The following DGKG variants were observed in gnomAD, a reference collection of about 807,000 sequenced individuals.
DGKG encodes diacylglycerol kinase gamma.
DGKG carries 78 observed loss-of-function variants against 105.3 expected under a neutral mutation model. The observed-to-expected ratio is 0.74, with a 90% CI of 0.62 to 0.89. The LOEUF (loss-of-function observed/expected upper bound fraction) is 0.89. Among genes scored for constraint, DGKG ranks in the 40% least tolerant of loss-of-function variants. The probability of loss-of-function intolerance (pLI) is 0.00; values close to 1 mark genes in which losing one functional copy is unlikely to be tolerated. For missense variants in DGKG, 958 were observed against 1,020.1 expected (o/e 0.94, Z 0.83); for synonymous variants, 346 against 367.1 (o/e 0.94, Z 0.66).
intron 22 of DGKG, among the ~76,000 whole-genome samples, chr3:186,165,356 G>A (rs1295403252): frequency 6.6e-6 from 1 of 152,272 alleles, no homozygotes; most frequent in East Asian, 1.9e-4. Context: ...TGCAGCTAAA[G>A]ACATATTGGT....
chr3:186,234,524 T>C (rs551875191), intron 20 of DGKG, among the ~76,000 whole-genome samples: 12 of 152,362 alleles, frequency 7.9e-5, no homozygotes, highest in African/African-American at 2.9e-4. Context: ...TGGGATTATC[T>C]GGCCTATAGT....
intron 2 of DGKG, among the ~76,000 whole-genome samples, chr3:186,310,198 C>T (rs55999183): frequency 9.0e-5 from 12 of 132,948 alleles, no homozygotes; most frequent in Non-Finnish European, 1.7e-4. Context: ...ACCCAGGAGG[C>T]GGAGCTTGCA....
intron 22 of DGKG, among the ~76,000 whole-genome samples, chr3:186,176,031 G>A (rs758601214): frequency 1.8e-4 from 28 of 152,150 alleles, no homozygotes; most frequent in Non-Finnish European, 3.7e-4. Flanking sequence ...TTGAAAGGAC[G>A]CAAGGCAGAG....
In DGKG at chr3:186,267,356, C is replaced by T. The variant is rs552649072; in HGVS notation, c.1209+329G>A. On this transcript the variant is annotated intron_variant, in intron 13 of 24. Coordinates refer to ENST00000265022, the MANE Select transcript of DGKG (RefSeq NM_001346.3). ...GAGAAGATTTCTCTCAAAATCTGAT[C>T]TGTGCAGCGCTGACCTCTTTCAAGC... is the stretch of plus-strand genomic sequence containing the variant. Among the ~76,000 whole-genome samples, 12 of 152,318 alleles carry T rather than the reference C, an allele frequency of 7.9e-5. No individual in the cohort carries two copies. The East Asian group carries it at 2.3e-3, about 29-fold the overall frequency.
chr3:186,180,811 G>A (rs1293942410), intron 22 of DGKG, among the ~76,000 whole-genome samples: 1 of 152,218 alleles, frequency 6.6e-6, no homozygotes, highest in African/African-American at 2.4e-5. Context: ...TGGCTGAATG[G>A]CATCCCATTC....
At chr3:186,179,266 A>T (rs1315180205) in intron 22 of DGKG, among the ~76,000 whole-genome samples, 1 of 152,154 alleles carries the variant, frequency 6.6e-6, no homozygotes, top group Non-Finnish European at 1.5e-5. Flanking sequence ...AATATTGCCT[A>T]TGGTGGTTTT....
At position 186,148,116 on chromosome 3, in the gene DGKG, C is replaced by T. The variant is rs1715585819; in HGVS notation, c.*1974G>A. ...ACGATATCAAGTGGGTCCAAGTTTC[C>T]ACTGATAAATCTCAGAGAGGGATGG... On this transcript the variant is annotated 3_prime_UTR_variant, in exon 25 of 25. Coordinates refer to ENST00000265022, the MANE Select transcript of DGKG (RefSeq NM_001346.3). 1 of 985,292 alleles carries T rather than the reference C, an allele frequency of 1.0e-6. No individual in the cohort carries two copies. Among genetic ancestry groups the T allele is most frequent in the Admixed American group, 6.1e-5 (1 of 16,270 alleles). 61.0% of individuals were successfully genotyped at this position (985,292 alleles called of 1,614,324 possible).
chr3:186,330,768 C>T (rs1292698313), intron 1 of DGKG, among the ~76,000 whole-genome samples: 1 of 152,194 alleles, frequency 6.6e-6, no homozygotes, highest in Non-Finnish European at 1.5e-5. Context: ...AGACAAGAAG[C>T]CATTTGGGAT....
At position 186,283,070 on chromosome 3, in the gene DGKG, G is replaced by A. The variant is rs138871363; in HGVS notation, c.594+1590C>T. Among the ~76,000 whole-genome samples, 1,116 of 151,602 alleles carry A rather than the reference G, an allele frequency of 7.4e-3. 22 individuals carry two copies. Among genetic ancestry groups the A allele is most frequent in the African/African-American group, 0.026 (1,053 of 41,184 alleles). ...ACTACAGGTGTGTGCCAACATGCCC[G>A]GCTAATTTTTGTATTTTTAGTAGAA... On this transcript the variant is annotated intron_variant, in intron 7 of 24. Transcript: ENST00000265022.
In DGKG at chr3:186,311,283, GC is replaced by G. The variant is rs199793494; in HGVS notation, c.68-4307del. On this transcript the variant is annotated intron_variant, in intron 2 of 24. Coordinates refer to ENST00000265022, the MANE Select transcript of DGKG (RefSeq NM_001346.3). ...TTGTAAATGAAGACTGTCCTAAAAAGCCCCTGAACTTGAATACTTATTGCCA... is the reference window on the plus strand; with the variant it reads ...TTGTAAATGAAGACTGTCCTAAAAAGCCCTGAACTTGAATACTTATTGCCA... Among the ~76,000 whole-genome samples, 1,012 of 152,220 alleles carry G rather than the reference GC, an allele frequency of 6.6e-3. 10 individuals carry two copies. Among genetic ancestry groups the G allele is most frequent in the African/African-American group, 0.023 (967 of 41,510 alleles).
chr3:186,298,894 C>CG (rs1723729951), intron 3 of DGKG, among the ~76,000 whole-genome samples: 2 of 152,180 alleles, frequency 1.3e-5, no homozygotes, highest in African/African-American at 4.8e-5. Context: ...GGCTCAGCTG[C>CG]TTCTCAAAAC....
chr3:186,188,575 G>C (rs1717754521), intron 21 of DGKG, among the ~76,000 whole-genome samples, 196 bp from the exon 22 acceptor site: 1 of 152,146 alleles, frequency 6.6e-6, no homozygotes. Context: ...CTGCTGTGGT[G>C]AGATGACAGA....
intron 21 of DGKG, among the ~76,000 whole-genome samples, chr3:186,195,309 CA>C (rs539090431): frequency 3.6e-4 from 54 of 151,206 alleles, no homozygotes; most frequent in African/African-American, 6.1e-4. Context: ...AAAAAACAAA[CA>C]AAAAAAAGAA....
chr3:186,348,250 G>A (rs1726439597), intron 1 of DGKG, among the ~76,000 whole-genome samples: 1 of 151,868 alleles, frequency 6.6e-6, no homozygotes, highest in Admixed American at 6.6e-5. Context: ...TCACGCCACA[G>A]CTTTGATATC....
chr3:186,335,698 C>T (rs1294292156), intron 1 of DGKG, among the ~76,000 whole-genome samples: 1 of 152,116 alleles, frequency 6.6e-6, no homozygotes, highest in Non-Finnish European at 1.5e-5. Flanking sequence ...CGCTATATGC[C>T]AATAGCCTTA....
In DGKG at chr3:186,284,672, G is replaced by A. The variant is rs150564600; in HGVS notation, c.582C>T (p.Leu194=). 164 of 1,613,870 alleles carry A rather than the reference G, an allele frequency of 1.0e-4. 1 individual carries two copies. In the East Asian group the frequency reaches 3.6e-3, roughly 35 times the overall value. Residue 194 remains leucine, a synonymous_variant, in exon 7 of 25, where the codon CTC becomes CTT. Coordinates refer to ENST00000265022, the MANE Select transcript of DGKG (RefSeq NM_001346.3). This position sits in a 1 kb window ranked among gnomAD's most constrained non-coding sequence, Gnocchi z 4.0. ...AGTGAGAACTTACCGCTTGGTCCAG[G>A]AGACCGTTCTCATCTGAATCATAGA... The part of the protein sequence containing the change: ...FRLYDSDENG[L]LDQAEMDCIV...
chr3:186,306,942 A>C lies in DGKG; in HGVS notation c.103T>G (p.Phe35Val). Residue 35 changes from phenylalanine (F) to valine (V), a missense_variant, in exon 3 of 25, where the codon TTT (phenylalanine) becomes GTT (valine). Physicochemically the swap from Phe to Val is conservative, Grantham distance 50. Transcript: ENST00000265022. Reference protein sequence around the residue: ...SKKIKDALTEFNEGGSLKQYD... With the variant: ...SKKIKDALTEVNEGGSLKQYD... ...TGTTTGAGGCTCCCACCCTCATTAA[A>C]TTCAGTCAAGGCATCTTTTATCTTC... The C allele has an allele frequency of 6.2e-7, 1 of 1,613,408 alleles. No individual in the cohort carries two copies. The highest frequency in any genetic ancestry group is 8.5e-7 in the Non-Finnish European group (1 of 1,179,366).
chr3:186,355,186 C>T (rs1297109985), intron 1 of DGKG, among the ~76,000 whole-genome samples: 2,410 of 141,726 alleles, frequency 0.017, 101 homozygotes, highest in African/African-American at 0.058. Flanking sequence ...CTATCACCAC[C>T]ACCATCAATA....
At chr3:186,214,213 G>C (rs558455249) in intron 20 of DGKG, among the ~76,000 whole-genome samples, 8 of 152,126 alleles carry the variant, frequency 5.3e-5, no homozygotes, top group African/African-American at 1.9e-4. Flanking sequence ...AAGATCAAAC[G>C]GACTACTCAT....
Sources: allele counts gnomAD v4.1 joint callset (sites outside exome capture counted in the v4.1 genomes callset), GRCh38; gene constraint gnomAD v4.1.1; non-coding constraint Gnocchi (gnomAD v3.1); transcripts MANE v1.5; gene names NCBI Gene and HGNC (gene_info 2026-07-23, HGNC 2026-07-21).